Variants in NEBL observed in about 807,000 individuals in gnomAD.
NEBL encodes the protein LIM and SH3 protein 2.
In NEBL, 122 loss-of-function variants were observed where a neutral mutation model predicts 140.2. The observed-to-expected ratio is 0.87, with a 90% CI of 0.75 to 1.01. The LOEUF (loss-of-function observed/expected upper bound fraction) is 1.01. Ranked by LOEUF, NEBL falls within the 50% of genes least tolerant of loss-of-function variation. NEBL has a pLI of 0.00. For synonymous variants in NEBL, 436 were observed against 398.9 expected (o/e 1.09, Z -1.11); for missense variants, 1,365 against 1,231.3 (o/e 1.11, Z -1.62).
intron 2 of NEBL, among the ~76,000 whole-genome samples, chr10:21,163,156 A>G (rs1226532956): frequency 6.6e-6 from 1 of 152,228 alleles, no homozygotes; most frequent in Admixed American, 6.5e-5. Context: ...ATGGAAGTGG[A>G]TAGAAGAAGG....
At chr10:21,252,317 CT>C (rs1164560038) in intron 1 of NEBL, among the ~76,000 whole-genome samples, 3 of 152,104 alleles carry the variant, frequency 2.0e-5, no homozygotes, top group Non-Finnish European at 2.9e-5. Flanking sequence ...GTAAATGCCC[CT>C]GGCAGAATAT....
At chr10:20,888,329 CATTTTAATTTTAGAT>C (rs1171765389) in intron 3 of NEBL, 122 bp from the exon 4 acceptor site, 1 of 686,860 alleles carries the variant, frequency 1.5e-6, no homozygotes, top group East Asian at 2.8e-5. Flanking sequence ...ATCTGCAGAC[CATTTTAATTTTAGAT>C]ACCAGAGCTG....
intron 17 of NEBL, among the ~76,000 whole-genome samples, chr10:20,827,616 C>T (rs1395877849): frequency 6.6e-6 from 1 of 152,098 alleles, no homozygotes; most frequent in Admixed American, 6.5e-5. Flanking sequence ...TGGACTCAGC[C>T]TCTTAATTAA....
intron 19 of NEBL, among the ~76,000 whole-genome samples, chr10:20,819,760 C>T (rs1472776159): frequency 2.6e-5 from 4 of 151,876 alleles, no homozygotes; most frequent in Admixed American, 6.6e-5. Flanking sequence ...GGTCTTGCTC[C>T]GTTGTCCAGG....
At chr10:21,116,833 C>A (rs776140387) in intron 2 of NEBL, among the ~76,000 whole-genome samples, 6 of 151,926 alleles carry the variant, frequency 3.9e-5, no homozygotes, top group Non-Finnish European at 5.9e-5. Flanking sequence ...CCAATCCCAG[C>A]AACTTTTTAA....
chr10:20,870,342 A>AAC (rs1844800221), intron 5 of NEBL, among the ~76,000 whole-genome samples: 1 of 151,678 alleles, frequency 6.6e-6, no homozygotes, highest in South Asian at 2.1e-4. Context: ...AAAAAAAAAA[A>AAC]AAACTTGAAC....
At chr10:20,973,920 C>T (rs992828026) in intron 3 of NEBL, among the ~76,000 whole-genome samples, 1 of 152,214 alleles carries the variant, frequency 6.6e-6, no homozygotes, top group Non-Finnish European at 1.5e-5. Context: ...CATTTGAATC[C>T]TGACCTCCCA....
At chr10:20,858,781 C>T (rs1843363100) in intron 8 of NEBL, among the ~76,000 whole-genome samples, 1 of 152,042 alleles carries the variant, frequency 6.6e-6, no homozygotes, top group Admixed American at 6.6e-5. Context: ...AATAATAAAC[C>T]ATTGATAGCA....
intron 2 of NEBL, among the ~76,000 whole-genome samples, chr10:21,078,533 A>T (rs1466296372): frequency 2.0e-5 from 3 of 152,188 alleles, no homozygotes; most frequent in African/African-American, 7.2e-5. Flanking sequence ...CACTTTGGAA[A>T]TCTTCTTGAA....
intron 7 of NEBL, among the ~76,000 whole-genome samples, chr10:20,861,752 A>G (rs1409282326): frequency 6.6e-6 from 1 of 152,182 alleles, no homozygotes; most frequent in Non-Finnish European, 1.5e-5. Flanking sequence ...TAATTACACT[A>G]GAGTATTTGA....
chr10:21,198,091 G>C (rs1349133854), intron 3 of NEBL, among the ~76,000 whole-genome samples: 1 of 152,020 alleles, frequency 6.6e-6, no homozygotes, highest in Non-Finnish European at 1.5e-5. Flanking sequence ...AAACCTGTTG[G>C]TCATGTAACG....
chr10:21,153,859 AGT>A (rs1214906580), intron 2 of NEBL, among the ~76,000 whole-genome samples: 1 of 152,198 alleles, frequency 6.6e-6, no homozygotes, highest in Non-Finnish European at 1.5e-5. Flanking sequence ...AATAAACGTA[AGT>A]CTTTACATCT....
At chr10:21,065,838 C>G (rs893532344) in intron 2 of NEBL, among the ~76,000 whole-genome samples, 2 of 152,186 alleles carry the variant, frequency 1.3e-5, no homozygotes, top group Non-Finnish European at 2.9e-5. Flanking sequence ...GGAACAGTCC[C>G]TGGAAGAGAA....
chr10:21,252,974 G>A (rs1842605872), intron 1 of NEBL, among the ~76,000 whole-genome samples: 2 of 151,810 alleles, frequency 1.3e-5, no homozygotes, highest in African/African-American at 4.8e-5. Flanking sequence ...AAATAAATAA[G>A]GCAGAGGCCA....
intron 3 of NEBL, among the ~76,000 whole-genome samples, chr10:21,013,139 G>A (rs1180968171): frequency 6.6e-6 from 1 of 152,184 alleles, no homozygotes; most frequent in Non-Finnish European, 1.5e-5. Context: ...GAGTGGAATC[G>A]CAAAGGTTGG....
intron 3 of NEBL, among the ~76,000 whole-genome samples, chr10:21,233,883 A>G (rs1447275952): frequency 6.9e-6 from 1 of 145,506 alleles, no homozygotes; most frequent in Non-Finnish European, 1.5e-5. Context: ...ATATGCATAT[A>G]TAGATATATA....
At chr10:20,786,413 C>T (rs924069933) in intron 27 of NEBL, among the ~76,000 whole-genome samples, 3 of 152,118 alleles carry the variant, frequency 2.0e-5, no homozygotes, top group African/African-American at 7.2e-5. Flanking sequence ...TTCTGTATCA[C>T]TATGAGAGAA....
At chr10:21,090,597 T>C (rs1321204219) in intron 2 of NEBL, among the ~76,000 whole-genome samples, 1 of 152,210 alleles carries the variant, frequency 6.6e-6, no homozygotes, top group East Asian at 1.9e-4. Flanking sequence ...AATATATTTA[T>C]ACAATAAACA....
At chr10:20,838,368 G>C (rs181958911) in intron 13 of NEBL, among the ~76,000 whole-genome samples, 1 of 152,190 alleles carries the variant, frequency 6.6e-6, no homozygotes, top group Non-Finnish European at 1.5e-5. Context: ...AATAGCAAGA[G>C]AACTAGAATT....
Sources: gnomAD v4.1 joint callset for allele counts (sites outside exome capture counted in the v4.1 genomes callset) on GRCh38, gnomAD v4.1.1 for gene constraint, MANE v1.5 for transcripts, NCBI Gene and HGNC (gene_info 2026-07-23, HGNC 2026-07-21) for gene names.